ODF2L: variants seen among roughly 807,000 people sequenced by gnomAD.
ODF2L encodes protein BCAP.
A neutral mutation model predicts 86.3 loss-of-function variants in ODF2L; 76 were observed. The ratio of observed to expected loss-of-function variants is 0.88; its 90% confidence interval spans 0.73 to 1.07. ODF2L has a LOEUF of 1.07. Ranked by LOEUF, ODF2L falls within the 50% of genes least tolerant of loss-of-function variation. The pLI is 0.00. For synonymous variants in ODF2L, 241 were observed against 231.3 expected (o/e 1.04, Z -0.38); for missense variants, 748 against 717.4 (o/e 1.04, Z -0.49).
chr1:86,354,622 T>G, exon 16 of ODF2L: 1 of 1,610,298 alleles, frequency 6.2e-7, no homozygotes. Flanking sequence ...TTGCTGTGCT[T>G]AAGACATTCT....
intron 10 of ODF2L, among the ~76,000 whole-genome samples, chr1:86,369,629 T>C (rs1452076841): frequency 6.6e-6 from 1 of 152,214 alleles, no homozygotes; most frequent in African/African-American, 2.4e-5. Flanking sequence ...AAGAATCTTT[T>C]TGGCTTAGGC....
rs1318731840 is a variant in ODF2L, at chr1:86,358,960, A to G, written c.1255-69T>C. On this transcript the variant is annotated intron_variant, in intron 12 of 17. Transcript: ENST00000317336. Reference sequence around the variant, plus strand: ...AACATGAGATAAAAATCTAAAATTTAAAATTTCATTTTAAACAAGTCATTA... The same window carrying G: ...AACATGAGATAAAAATCTAAAATTTGAAATTTCATTTTAAACAAGTCATTA... The G allele has an allele frequency of 5.4e-6, 4 of 747,388 alleles. No individual in the cohort carries two copies. In the East Asian group the frequency reaches 1.3e-4, roughly 23 times the overall value. The allele number at this position is 747,388 out of a possible 1,614,324, so 46.3% of individuals were successfully genotyped here.
chr1:86,383,043 T>C (rs1660695668), intron 5 of ODF2L, 41 bp from the exon 6 acceptor site: 1 of 1,281,448 alleles, frequency 7.8e-7, no homozygotes, highest in African/African-American at 1.5e-5. Context: ...TTTCACAACT[T>C]GGATAATATT....
chr1:86,392,825 A>T (rs547587227), intron 1 of ODF2L, among the ~76,000 whole-genome samples: 13 of 152,348 alleles, frequency 8.5e-5, no homozygotes, highest in Non-Finnish European at 1.3e-4. Context: ...AAAAAATTTT[A>T]AAAAACCATT....
chr1:86,383,049 A>G, intron 5 of ODF2L, 47 bp from the exon 6 acceptor site: 1 of 1,285,186 alleles, frequency 7.8e-7, no homozygotes, highest in Non-Finnish European at 1.1e-6. Flanking sequence ...AACTTGGATA[A>G]TATTGGCTAA....
intron 1 of ODF2L, among the ~76,000 whole-genome samples, chr1:86,393,073 A>G (rs1661443527): frequency 6.6e-6 from 1 of 152,200 alleles, no homozygotes; most frequent in Admixed American, 6.5e-5. Flanking sequence ...CCATGGTCAG[A>G]GAAAAAGGAA....
At chr1:86,382,313 C>G (rs988308074) in exon 7 of ODF2L, 4 of 1,612,060 alleles carry the variant, frequency 2.5e-6, no homozygotes, top group Non-Finnish European at 3.4e-6. Context: ...CGTTCATGTA[C>G]TACTTTTACT....
At chr1:86,363,447 AGCACTTTTAATTACCTAGTATTG>A (rs1659184179) in intron 11 of ODF2L, among the ~76,000 whole-genome samples, 2 of 152,212 alleles carry the variant, frequency 1.3e-5, no homozygotes, top group South Asian at 2.1e-4. Flanking sequence ...TTTTAAAATT[AGCACTTTTAATTACCTAGTATTG>A]GAAAATGTAT....
chr1:86,370,527 T>C (rs746469291), intron 10 of ODF2L, among the ~76,000 whole-genome samples: 5 of 152,172 alleles, frequency 3.3e-5, no homozygotes, highest in Non-Finnish European at 5.9e-5. Context: ...TCCATCTGGT[T>C]GTATGTATCT....
At chr1:86,355,222 A>T (rs1364192318) in intron 14 of ODF2L, 1 of 680,236 alleles carries the variant, frequency 1.5e-6, no homozygotes, top group Non-Finnish European at 2.5e-6. Flanking sequence ...GGTTTCTCTT[A>T]TGGTTTTCTG....
chr1:86,395,948 C>G (rs1363090308), intron 1 of ODF2L, 85 bp downstream of exon 1: 1 of 152,346 alleles, frequency 6.6e-6, no homozygotes, highest in Non-Finnish European at 1.5e-5. Context: ...CCCTCACCTC[C>G]AGACCGCTAA....
intron 9 of ODF2L, 146 bp from the exon 10 acceptor site, chr1:86,371,299 A>G (rs1659768139): frequency 4.4e-6 from 2 of 458,842 alleles, no homozygotes; most frequent in Non-Finnish European, 7.6e-6. Flanking sequence ...CTCATAGAAC[A>G]AGAAAAATAA....
In ODF2L at chr1:86,384,674, A is replaced by T. The variant is rs1660810337; in HGVS notation, c.372+2T>A. 1 of 1,450,766 alleles carries T rather than the reference A, an allele frequency of 6.9e-7. No individual in the cohort carries two copies. The allele number at this position is 1,450,766 out of a possible 1,614,324, so 89.9% of individuals were successfully genotyped here. On this transcript the variant is annotated splice_donor_variant, in intron 4 of 17. Coordinates refer to ENST00000317336, the Ensembl canonical transcript of ODF2L. LOFTEE classifies it high-confidence loss of function. ...AATGAGTGCTTAGTGTTGATGCCTTACTTGTTTGTAGTCTCTCTTTCTAAG... is the reference window on the plus strand; with the variant it reads ...AATGAGTGCTTAGTGTTGATGCCTTTCTTGTTTGTAGTCTCTCTTTCTAAG...
chr1:86,362,191 T>C (rs1570369566), intron 11 of ODF2L, among the ~76,000 whole-genome samples: 1 of 151,272 alleles, frequency 6.6e-6, no homozygotes, highest in African/African-American at 2.4e-5. Context: ...GAAAATGAGA[T>C]GGTATAATGC....
chr1:86,367,808 T>G (rs892378017), intron 11 of ODF2L, among the ~76,000 whole-genome samples: 1 of 152,156 alleles, frequency 6.6e-6, no homozygotes, highest in African/African-American at 2.4e-5. Context: ...ACTGGCAAAG[T>G]GAACGTGGGG....
At chr1:86,378,155 A>T (rs1389696478) in intron 7 of ODF2L, among the ~76,000 whole-genome samples, 2 of 152,164 alleles carry the variant, frequency 1.3e-5, no homozygotes, top group African/African-American at 4.8e-5. Context: ...ATCTCTCTCA[A>T]GTTCAAAGTT....
At chr1:86,384,887 T>C (rs1660835037) in intron 3 of ODF2L, 86 bp from the exon 4 acceptor site, 2 of 1,069,038 alleles carry the variant, frequency 1.9e-6, no homozygotes, top group African/African-American at 3.3e-5. Flanking sequence ...CAATATTTTT[T>C]CCTACTAAAC....
At chr1:86,393,519 C>T (rs963889236) in intron 1 of ODF2L, among the ~76,000 whole-genome samples, 1 of 152,144 alleles carries the variant, frequency 6.6e-6, no homozygotes, top group Non-Finnish European at 1.5e-5. Flanking sequence ...TTAGTAATCC[C>T]TCTCTCCAAT....
downstream of ODF2L, chr1:86,348,837 A>G: frequency 1.9e-6 from 3 of 1,565,386 alleles, no homozygotes; most frequent in Non-Finnish European, 2.6e-6. Context: ...TCTCAAGACT[A>G]TTTTGTACTT....
Sources: gnomAD v4.1 joint callset for allele counts (sites outside exome capture counted in the v4.1 genomes callset) on GRCh38, gnomAD v4.1.1 for gene constraint, MANE v1.5 for transcripts, NCBI Gene and HGNC (gene_info 2026-07-23, HGNC 2026-07-21) for gene names.